The following NCKAP5 variants were observed in gnomAD, a reference collection of about 807,000 sequenced individuals.
The protein encoded by NCKAP5 is nck-associated protein 5.
Under a neutral mutation model 167.0 loss-of-function variants are expected in NCKAP5, and 92 were observed. The observed-to-expected ratio is 0.55, with a 90% confidence interval of 0.47 to 0.66. The LOEUF (loss-of-function observed/expected upper bound fraction) is 0.66. Ranked by LOEUF, NCKAP5 falls within the 30% of genes least tolerant of loss-of-function variation. The probability of loss-of-function intolerance (pLI) is 0.00; values close to 1 mark genes in which losing one functional copy is unlikely to be tolerated. For missense variants in NCKAP5, 2,378 were observed against 2,315.0 expected (o/e 1.03, Z -0.56); for synonymous variants, 891 against 877.4 (o/e 1.02, Z -0.27).
intron 4 of NCKAP5, among the ~76,000 whole-genome samples, chr2:133,236,035 C>A (rs1200148816): frequency 2.7e-5 from 3 of 112,198 alleles, no homozygotes; most frequent in Admixed American, 1.3e-4. Flanking sequence ...CACTGCCCTG[C>A]AACTTGGGTG....
At chr2:132,847,397 G>A (rs1253479536) in intron 11 of NCKAP5, among the ~76,000 whole-genome samples, 2 of 152,150 alleles carry the variant, frequency 1.3e-5, no homozygotes, top group Non-Finnish European at 2.9e-5. Flanking sequence ...AATTTACAGA[G>A]ATGAAATTAC....
chr2:133,469,173 G>A (rs188038208), intron 3 of NCKAP5, among the ~76,000 whole-genome samples: 5,045 of 151,850 alleles, frequency 0.033, 119 homozygotes, highest in Admixed American at 0.08. Context: ...CATATTTAGC[G>A]CTTCCTTCAG....
the NCKAP5 span, among the ~76,000 whole-genome samples, chr2:133,602,938 G>T: frequency 7.1e-4 from 108 of 152,318 alleles, no homozygotes; most frequent in African/African-American, 2.5e-3. Flanking sequence ...AAAATTTGTA[G>T]TCACAGGCAG....
At chr2:133,657,938 C>T in the NCKAP5 span, among the ~76,000 whole-genome samples, 12 of 152,226 alleles carry the variant, frequency 7.9e-5, no homozygotes, top group African/African-American at 1.4e-4. Flanking sequence ...CCCAAAACTC[C>T]GCAAGATTTT....
At chr2:133,154,050 C>T (rs930269903) in intron 5 of NCKAP5, among the ~76,000 whole-genome samples, 10 of 151,970 alleles carry the variant, frequency 6.6e-5, no homozygotes, top group African/African-American at 4.8e-5. Context: ...CCATTTTGGC[C>T]AAGCTGGTCT....
At chr2:132,876,006 T>C (rs1001129539) in intron 9 of NCKAP5, among the ~76,000 whole-genome samples, 4 of 152,164 alleles carry the variant, frequency 2.6e-5, no homozygotes, top group Non-Finnish European at 5.9e-5. Flanking sequence ...GAACACAGAT[T>C]CTCAAGTGTT....
chr2:132,840,389 C>A (rs1688218643), intron 11 of NCKAP5, among the ~76,000 whole-genome samples: 1 of 151,786 alleles, frequency 6.6e-6, no homozygotes, highest in South Asian at 2.1e-4. Flanking sequence ...AATGCTCCTG[C>A]CTCATTCTCC....
chr2:133,343,717 T>C (rs780784135), intron 3 of NCKAP5, among the ~76,000 whole-genome samples: 3 of 152,214 alleles, frequency 2.0e-5, no homozygotes, highest in Non-Finnish European at 4.4e-5. Context: ...CCAAGTTCCC[T>C]GTACTCACGG....
At chr2:133,587,636 T>G in the NCKAP5 span, among the ~76,000 whole-genome samples, 4 of 152,192 alleles carry the variant, frequency 2.6e-5, no homozygotes, top group Non-Finnish European at 5.9e-5. Context: ...AATAAAGTGT[T>G]TGGCCCTAAC....
chr2:133,393,858 C>T (rs575500823), intron 3 of NCKAP5, among the ~76,000 whole-genome samples: 10 of 152,296 alleles, frequency 6.6e-5, no homozygotes, highest in Admixed American at 3.9e-4. Flanking sequence ...TGTCCAAAGG[C>T]AATTAGTGTT....
chr2:133,241,545 G>T (rs2087704386), intron 4 of NCKAP5, among the ~76,000 whole-genome samples: 1 of 152,112 alleles, frequency 6.6e-6, no homozygotes, highest in South Asian at 2.1e-4. Flanking sequence ...TTCCAACTGT[G>T]GTTCCAACTG....
the NCKAP5 span, among the ~76,000 whole-genome samples, chr2:133,623,425 T>A: frequency 1.3e-5 from 2 of 151,910 alleles, no homozygotes; most frequent in East Asian, 3.9e-4. Context: ...ATATCCAGAA[T>A]CCACAAAGAA....
At chr2:133,319,430 AT>A (rs1312386392) in intron 3 of NCKAP5, among the ~76,000 whole-genome samples, 4 of 152,204 alleles carry the variant, frequency 2.6e-5, no homozygotes, top group African/African-American at 7.2e-5. Flanking sequence ...CCCATGATAA[AT>A]ATGATGCAGG....
At chr2:133,432,227 G>A (rs1309477823) in intron 3 of NCKAP5, among the ~76,000 whole-genome samples, 1 of 152,082 alleles carries the variant, frequency 6.6e-6, no homozygotes, top group Non-Finnish European at 1.5e-5. Context: ...AACCAACTTA[G>A]CATCATTATA....
chr2:133,455,757 A>T (rs930301238), intron 3 of NCKAP5, among the ~76,000 whole-genome samples: 1 of 152,060 alleles, frequency 6.6e-6, no homozygotes, highest in African/African-American at 2.4e-5. Context: ...AAACAAACTT[A>T]TTTTTTTATA....
chr2:132,831,481 T>C lies in NCKAP5; in HGVS notation c.807+29011A>G, dbSNP rs1687520327. Among the ~76,000 whole-genome samples the C allele has an allele frequency of 1.3e-5, 2 of 152,234 alleles. 1 individual carries two copies. The highest frequency in any genetic ancestry group is 4.1e-4 in the South Asian group (2 of 4,834). On this transcript the variant is annotated intron_variant, in intron 11 of 19. Coordinates refer to ENST00000409261, the MANE Select transcript of NCKAP5 (RefSeq NM_207363.3). ...TGTTGTTTGATTGCTGTTTTATTTT[T>C]ATTTCTCTGTTCATTGCAACTGTAC...
chr2:132,817,619 C>T (rs1686378430), intron 11 of NCKAP5, among the ~76,000 whole-genome samples: 1 of 152,172 alleles, frequency 6.6e-6, no homozygotes, highest in Non-Finnish European at 1.5e-5. Context: ...AACCATTTTT[C>T]CTTTCCTTTC....
At chr2:133,381,528 T>C (rs1686522357) in intron 3 of NCKAP5, 1 of 152,218 alleles carries the variant, frequency 6.6e-6, no homozygotes, top group African/African-American at 2.4e-5. Context: ...AAACTGTTTG[T>C]TTAGTGTAGG....
intron 6 of NCKAP5, among the ~76,000 whole-genome samples, chr2:133,068,990 T>G (rs1328606509): frequency 2.6e-5 from 4 of 152,248 alleles, no homozygotes; most frequent in African/African-American, 9.6e-5. Flanking sequence ...TTTATGATTC[T>G]GGATTATAGC....
Sources: allele counts gnomAD v4.1 joint callset (sites outside exome capture counted in the v4.1 genomes callset), GRCh38; gene constraint gnomAD v4.1.1; transcripts MANE v1.5; gene names NCBI Gene and HGNC (gene_info 2026-07-23, HGNC 2026-07-21).